Variants in NOL11 observed in about 807,000 individuals in gnomAD.
NOL11 encodes nucleolar protein 11.
Under a neutral mutation model 93.0 loss-of-function variants are expected in NOL11, and 42 were observed. The observed-to-expected ratio is 0.45, with a 90% CI of 0.35 to 0.58. The LOEUF (loss-of-function observed/expected upper bound fraction) is 0.58, where lower values mean the gene tolerates loss of function less well. Ranked by LOEUF, NOL11 falls within the 20% of genes least tolerant of loss-of-function variation. NOL11 has a pLI of 0.00. For synonymous variants in NOL11, 296 were observed against 293.7 expected (o/e 1.01, Z -0.08); for missense variants, 775 against 841.8 (o/e 0.92, Z 0.98).
intron 4 of NOL11, among the ~76,000 whole-genome samples, chr17:67,721,815 A>C (rs1241002130): frequency 6.6e-6 from 1 of 152,176 alleles, no homozygotes; most frequent in Non-Finnish European, 1.5e-5. Flanking sequence ...TGCCCTGACT[A>C]CCAAGCTCCC....
chr17:67,718,691 A>T (rs1806194221), intron 1 of NOL11, among the ~76,000 whole-genome samples: 2 of 152,130 alleles, frequency 1.3e-5, no homozygotes, highest in Admixed American at 1.3e-4. Context: ...CTGATAGAGA[A>T]CACTTTCTAA....
At chr17:67,718,206 A>G in intron 1 of NOL11, 118 bp downstream of exon 1, 1 of 1,401,834 alleles carries the variant, frequency 7.1e-7, no homozygotes, top group Non-Finnish European at 9.7e-7. Flanking sequence ...CTTAGCAGAG[A>G]GCCGGCTGGG....
chr17:67,724,225 T>G (rs1257235456), intron 6 of NOL11, 32 bp downstream of exon 6: 3 of 1,351,058 alleles, frequency 2.2e-6, no homozygotes, highest in African/African-American at 1.5e-5. Flanking sequence ...TTTCAGAGAT[T>G]ATAAATAGAG....
intron 7 of NOL11, among the ~76,000 whole-genome samples, chr17:67,733,358 C>CT (rs2055172480): frequency 6.6e-6 from 1 of 152,170 alleles, no homozygotes; most frequent in African/African-American, 2.4e-5. Flanking sequence ...GAGTAAGACT[C>CT]TGTCTCAAAA....
chr17:67,729,510 T>C (rs2055130773), intron 7 of NOL11, among the ~76,000 whole-genome samples: 1 of 152,150 alleles, frequency 6.6e-6, no homozygotes, highest in Non-Finnish European at 1.5e-5. Flanking sequence ...CCCCTACCCT[T>C]GGCAACCACC....
rs767501692 is a variant in NOL11 at position 67,719,727 on chromosome 17, A to G, written c.195A>G (p.Ile65Met). ...GSWSVKQGQIITCPAVCNFQT... is the reference protein window; with the variant it reads ...GSWSVKQGQIMTCPAVCNFQT... ...GGTCAGTGAAACAAGGTCAAATTAT[A>G]ACATGTCCAGCTGTGTGCAACTTTC... The change falls in exon 2 of 18, where the codon ATA becomes ATG. Residue 65 changes from isoleucine (I) to methionine (M), a missense_variant. Coordinates refer to ENST00000253247, the MANE Select transcript of NOL11 (RefSeq NM_015462.5). 1 of 1,610,818 alleles carries G rather than the reference A, an allele frequency of 6.2e-7. No homozygotes were observed. Among genetic ancestry groups the G allele is most frequent in the Non-Finnish European group, 8.5e-7 (1 of 1,178,990 alleles).
chr17:67,737,088 T>A lies in NOL11; in HGVS notation c.1161T>A (p.Ile387=), dbSNP rs561137982. The A allele has an allele frequency of 1.2e-5, 19 of 1,610,132 alleles. No homozygotes were observed. Among genetic ancestry groups the A allele is most frequent in the Middle Eastern group, 1.7e-4 (1 of 6,012 alleles). Residue 387 remains isoleucine (I), a synonymous_variant, in exon 11 of 18, where the codon ATT becomes ATA. Transcript: ENST00000253247. The stretch of plus-strand genomic sequence containing the variant: ...AATTCCAGTTAAGGAGACGAAAAAT[T>A]GAAGTGAGTTTACAGCCAGAGGTTC... ...QSRRILRRRK[I]EVSLQPEVPP...
intron 7 of NOL11, among the ~76,000 whole-genome samples, chr17:67,728,340 T>A (rs2055119053): frequency 6.6e-6 from 1 of 152,246 alleles, no homozygotes; most frequent in South Asian, 2.1e-4. Context: ...TTGTATCATT[T>A]AGTCCTCTAC....
In NOL11 at chr17:67,737,669, C is replaced by A. The variant is rs751333163; in HGVS notation, c.1380C>A (p.Ile460=). The part of the protein sequence containing the change: ...FYPRNCLMQL[I]QTHVLSYSLC... Reference sequence around the variant, plus strand: ...CCCGGAACTGTCTGATGCAGCTTATCCAAACGCATGTGCTTTCTTACAGGT... The same window carrying A: ...CCCGGAACTGTCTGATGCAGCTTATACAAACGCATGTGCTTTCTTACAGGT... The change falls in exon 12 of 18, where the codon ATC becomes ATA. Residue 460 remains isoleucine (I), a synonymous_variant. Coordinates refer to ENST00000253247, the MANE Select transcript of NOL11 (RefSeq NM_015462.5). 6 of 1,613,402 alleles carry A rather than the reference C, an allele frequency of 3.7e-6. No individual in the cohort carries two copies. The highest frequency in any genetic ancestry group is 1.3e-5 in the African/African-American group (1 of 74,920).
In NOL11 at chr17:67,738,955, A is replaced by G. The variant is rs1352014468; in HGVS notation, c.1787A>G (p.Tyr596Cys). ...AGTAATGCAATTCTTCATTCAGCAT[A>G]TAGCGAGACATTTCTTCTGCCTCAT... ...ALLNAILHSA[Y>C]SETFLLPHLK... The change falls in exon 15 of 18, where the codon TAT becomes TGT. Residue 596 changes from tyrosine to cysteine, a missense_variant. Physicochemically the swap from Tyr to Cys is radical, Grantham distance 194. This residue lies in a region of NOL11 where 416 missense variants were observed against 525.2 expected (regional missense o/e 0.79). Transcript: ENST00000253247. 3 of 1,612,208 alleles carry G rather than the reference A, an allele frequency of 1.9e-6. No homozygotes were observed. Among genetic ancestry groups the G allele is most frequent in the East Asian group, 2.2e-5 (1 of 44,850 alleles).
rs535312389 is a variant in NOL11, at chr17:67,732,858, G to A, written c.854-1505G>A. Among the ~76,000 whole-genome samples the A allele has an allele frequency of 7.2e-5, 11 of 151,916 alleles. 1 individual carries two copies. The highest frequency in any genetic ancestry group is 2.7e-4 in the African/African-American group (11 of 41,460). On this transcript the variant is annotated intron_variant, in intron 7 of 17. Transcript: ENST00000253247. The stretch of plus-strand genomic sequence containing the variant: ...CAAAGTGCTAGGATTACAGGCATGA[G>A]CCACCATGCCCTGCCGGAATTTTTT...
intron 16 of NOL11, 46 bp downstream of exon 16, chr17:67,739,654 GA>G (rs746329820): frequency 1.0e-4 from 128 of 1,266,842 alleles, no homozygotes; most frequent in Non-Finnish European, 1.4e-4. Context: ...AAAAATCTGT[GA>G]AAAAAAGTTG....
intron 8 of NOL11, 22 bp from the exon 9 acceptor site, chr17:67,735,877 GT>G (rs1455284184): frequency 6.3e-7 from 1 of 1,597,854 alleles, no homozygotes; most frequent in Non-Finnish European, 8.5e-7. Context: ...ATTTGCTTAT[GT>G]TTTTGATAAC....
At chr17:67,721,049 A>G (rs962615096) in intron 3 of NOL11, among the ~76,000 whole-genome samples, 2 of 152,204 alleles carry the variant, frequency 1.3e-5, no homozygotes, top group Non-Finnish European at 2.9e-5. Context: ...CCAGAATTGC[A>G]TGTACCTCTG....
chr17:67,738,992 C>G lies in NOL11; in HGVS notation c.1824C>G (p.Ile608Met). The change falls in exon 15 of 18, where the codon ATC (isoleucine) becomes ATG (methionine). Residue 608 changes from isoleucine (I) to methionine (M), a missense_variant. Around this residue, in one of 2 missense-constraint regions of NOL11, gnomAD observed 416 missense variants for 525.2 expected, o/e 0.79. Coordinates refer to ENST00000253247, the MANE Select transcript of NOL11 (RefSeq NM_015462.5). ...TTCTTCTGCCTCATTTGAAAGACAT[C>G]CCAGCACAGCATATCACGGTAAGTG... ...ETFLLPHLKD[I>M]PAQHITLFLK... The G allele has an allele frequency of 3.7e-6, 6 of 1,609,848 alleles. No individual in the cohort carries two copies. Among genetic ancestry groups the G allele is most frequent in the Non-Finnish European group, 3.4e-6 (4 of 1,176,486 alleles).
At chr17:67,722,090 TTA>T (rs2143081563) in intron 4 of NOL11, among the ~76,000 whole-genome samples, 1 of 152,306 alleles carries the variant, frequency 6.6e-6, no homozygotes, top group Admixed American at 6.5e-5. Context: ...CAATAACCAG[TTA>T]TATATTAGAC....
chr17:67,722,013 T>G (rs1350146848), intron 4 of NOL11, among the ~76,000 whole-genome samples: 1 of 152,258 alleles, frequency 6.6e-6, no homozygotes, highest in Non-Finnish European at 1.5e-5. Flanking sequence ...ACTTGTTTTC[T>G]CCAGGTCCAC....
chr17:67,733,130 G>A (rs1476277760), intron 7 of NOL11, among the ~76,000 whole-genome samples: 1 of 151,716 alleles, frequency 6.6e-6, no homozygotes, highest in African/African-American at 2.4e-5. Context: ...TTGGGAGGCC[G>A]AGGTGAGTGG....
chr17:67,743,705 C>T, intron 17 of NOL11, 38 bp from the exon 18 acceptor site: 4 of 1,263,976 alleles, frequency 3.2e-6, no homozygotes, highest in Non-Finnish European at 4.4e-6. Context: ...TCTATGTAGA[C>T]ATTATGGTAA....
Sources: gnomAD v4.1 joint callset for allele counts (sites outside exome capture counted in the v4.1 genomes callset) on GRCh38, gnomAD v4.1.1 for gene constraint, gnomAD v4.1.1 regional missense constraint, MANE v1.5 for transcripts, NCBI Gene and HGNC (gene_info 2026-07-23, HGNC 2026-07-21) for gene names.